Variants in MAOB observed in about 807,000 individuals in gnomAD.
The protein encoded by MAOB is amine oxidase [flavin-containing] B.
Under a neutral mutation model 41.9 loss-of-function variants are expected in MAOB, and 15 were observed. The observed-to-expected ratio is 0.36, with a 90% CI of 0.24 to 0.55. The LOEUF is 0.55. MAOB is among the 20% of genes least tolerant of loss of function. The pLI, the probability that MAOB is intolerant of heterozygous loss-of-function variation, is 0.86. For missense variants in MAOB, 345 were observed against 398.7 expected (o/e 0.87, Z 1.15); for synonymous variants, 167 against 144.2 (o/e 1.16, Z -1.13).
rs1448485881 is a variant in MAOB at position 43,826,923 on chromosome X, A to T, written c.279+11945T>A. ...AATTTTGGGGACATATTCCAACCAA[A>T]GTATCTGCCGTCATGGAACTTGCCT... On this transcript the variant is annotated intron_variant, in intron 3 of 14. Coordinates refer to ENST00000378069, the MANE Select transcript of MAOB (RefSeq NM_000898.5). Among the ~76,000 whole-genome samples, 10 of 112,346 alleles carry T rather than the reference A, an allele frequency of 8.9e-5. No homozygotes were observed. In the Admixed American group the frequency reaches 9.4e-4, roughly 11 times the overall value.
intron 2 of MAOB, among the ~76,000 whole-genome samples, chrX:43,841,935 AAGACTT>A (rs2035141989): frequency 8.9e-6 from 1 of 111,949 alleles, no homozygotes; most frequent in Admixed American, 9.5e-5. Flanking sequence ...AAATAGATTA[AAGACTT>A]AAACACGAGA....
chrX:43,865,855 C>T (rs1227601596), intron 1 of MAOB, among the ~76,000 whole-genome samples: 1 of 107,629 alleles, frequency 9.3e-6, no homozygotes, highest in Non-Finnish European at 1.9e-5. Flanking sequence ...AGAGGAAGGA[C>T]CCCTAAAAGT....
At chrX:43,768,815 T>A (rs1255417431) in intron 13 of MAOB, 99 bp from the exon 14 acceptor site, 3 of 717,924 alleles carry the variant, frequency 4.2e-6, no homozygotes, top group Non-Finnish European at 6.5e-6. Context: ...GAGATATCCA[T>A]CAAAAACACC....
intron 1 of MAOB, among the ~76,000 whole-genome samples, chrX:43,868,390 C>A (rs186849644): frequency 6.2e-4 from 69 of 111,849 alleles, no homozygotes; most frequent in African/African-American, 2.1e-3. Flanking sequence ...ACTGGAAGCT[C>A]AATACTGTGG....
intron 1 of MAOB, among the ~76,000 whole-genome samples, chrX:43,875,601 T>C (rs2035434493): frequency 8.9e-6 from 1 of 111,789 alleles, no homozygotes; most frequent in African/African-American, 3.3e-5. Flanking sequence ...AGCATTCTCT[T>C]GTGGGGCTGA....
chrX:43,879,479 C>T (rs2035460458), intron 1 of MAOB, among the ~76,000 whole-genome samples: 1 of 111,738 alleles, frequency 8.9e-6, no homozygotes, highest in South Asian at 3.8e-4. Flanking sequence ...ACACTACACT[C>T]TTGATTTTGG....
chrX:43,870,480 C>G lies in MAOB; in HGVS notation c.46+11774G>C, dbSNP rs138359540. 4.2e-3 allele frequency among the ~76,000 whole-genome samples: 465 copies of G among 111,416 alleles called. 3 individuals carry two copies. Among genetic ancestry groups the G allele is most frequent in the African/African-American group, 0.014 (438 of 30,658 alleles). ...GACTAAGCACCGTCTCCAGGCCCTA[C>G]CGGCCTCTTGCATCCTTGGTGGAGG... On this transcript the variant is annotated intron_variant, in intron 1 of 14. Transcript: ENST00000378069.
chrX:43,774,215 C>G (rs2034223084), intron 12 of MAOB, among the ~76,000 whole-genome samples: 1 of 111,603 alleles, frequency 9.0e-6, no homozygotes, highest in Non-Finnish European at 1.9e-5. Context: ...AAGCTTTTGG[C>G]ATTAAATTAT....
At chrX:43,813,563 T>A (rs2034773380) in intron 3 of MAOB, among the ~76,000 whole-genome samples, 1 of 112,339 alleles carries the variant, frequency 8.9e-6, no homozygotes, top group Non-Finnish European at 1.9e-5. Context: ...AGGCATTTAA[T>A]CAAGTAACCA....
chrX:43,782,802 T>C (rs751960617), intron 8 of MAOB, among the ~76,000 whole-genome samples: 21 of 111,848 alleles, frequency 1.9e-4, no homozygotes, highest in African/African-American at 6.5e-4. Flanking sequence ...TATGATCAAG[T>C]CGGCTTCCTC....
At position 43,797,272 on chromosome X, in the gene MAOB, C is replaced by T. The variant is rs1215857581; in HGVS notation, c.477-6G>A. 7.0e-6 allele frequency: 8 copies of T among 1,147,165 alleles called. No homozygotes were observed. Among genetic ancestry groups the T allele is most frequent in the African/African-American group, 1.8e-5 (1 of 55,132 alleles). The allele number at this position is 1,147,165 out of a possible 1,213,427, so 94.5% of individuals were successfully genotyped here. On this transcript the variant is annotated splice_polypyrimidine_tract_variant and splice_region_variant and intron_variant, in intron 5 of 14. Transcript: ENST00000378069. ...TGGCAAGCTGCTTTGCAGATCTGCACAGGAAGAAACAAGAGCAAACTTGGC... is the reference window on the plus strand; with the variant it reads ...TGGCAAGCTGCTTTGCAGATCTGCATAGGAAGAAACAAGAGCAAACTTGGC...
chrX:43,857,406 C>T (rs1287704690), intron 1 of MAOB, among the ~76,000 whole-genome samples: 1 of 108,894 alleles, frequency 9.2e-6, no homozygotes, highest in Non-Finnish European at 1.9e-5. Flanking sequence ...TCTTAAACTC[C>T]CGGCCTCAGA....
rs370681866 is a variant in MAOB at position 43,874,585 on chromosome X, G to A, written c.46+7669C>T. On this transcript the variant is annotated intron_variant, in intron 1 of 14. Transcript: ENST00000378069. ...CTTTGTTTTTCAATTGCTCGTTTTT[G>A]GATCCTGCCCCCCTCCTACTAACTT... 9.0e-5 allele frequency among the ~76,000 whole-genome samples: 10 copies of A among 111,171 alleles called. No homozygotes were observed. The South Asian group carries it at 1.5e-3, about 17-fold the overall frequency.
intron 8 of MAOB, among the ~76,000 whole-genome samples, chrX:43,792,854 T>C (rs2034479970): frequency 2.7e-5 from 3 of 111,868 alleles, no homozygotes; most frequent in African/African-American, 6.5e-5. Flanking sequence ...ATATAAATTG[T>C]TCTACCAAAA....
intron 8 of MAOB, among the ~76,000 whole-genome samples, chrX:43,791,330 C>T (rs572635489): frequency 6.3e-5 from 7 of 111,066 alleles, no homozygotes; most frequent in East Asian, 5.7e-4. Context: ...GAGTACATCC[C>T]GCCCTTCACC....
intron 12 of MAOB, among the ~76,000 whole-genome samples, chrX:43,770,474 T>C (rs778609511): frequency 8.9e-6 from 1 of 112,033 alleles, no homozygotes; most frequent in South Asian, 3.8e-4. Flanking sequence ...AAAGACAAAG[T>C]AATTTGCTCT....
chrX:43,848,256 C>T (rs763139381), intron 1 of MAOB, among the ~76,000 whole-genome samples: 3 of 111,616 alleles, frequency 2.7e-5, no homozygotes, highest in Admixed American at 9.5e-5. Flanking sequence ...TCACCACCTG[C>T]CTCATGCTTG....
intron 1 of MAOB, among the ~76,000 whole-genome samples, chrX:43,873,116 G>A (rs2035418263): frequency 8.9e-6 from 1 of 111,971 alleles, no homozygotes; most frequent in African/African-American, 3.2e-5. Flanking sequence ...TCTGAAAAAA[G>A]ATGCTTTGCT....
At chrX:43,838,330 G>A (rs928465651) in intron 3 of MAOB, among the ~76,000 whole-genome samples, 1 of 112,055 alleles carries the variant, frequency 8.9e-6, no homozygotes, top group African/African-American at 3.2e-5. Flanking sequence ...GAGAAACTCA[G>A]TAAATTCACA....
Sources: gnomAD v4.1 joint callset for allele counts (sites outside exome capture counted in the v4.1 genomes callset) on GRCh38, gnomAD v4.1.1 for gene constraint, MANE v1.5 for transcripts, NCBI Gene and HGNC (gene_info 2026-07-23, HGNC 2026-07-21) for gene names.